EHMT2: variants seen among roughly 807,000 people sequenced by gnomAD.
The protein encoded by EHMT2 is histone-lysine N-methyltransferase EHMT2.
Under a neutral mutation model 143.3 loss-of-function variants are expected in EHMT2, and 59 were observed. That is an observed-to-expected ratio of 0.41 (90% CI 0.33 to 0.51). The LOEUF is 0.51. Among genes scored for constraint, EHMT2 ranks in the 20% least tolerant of loss-of-function variants. The pLI is 0.18. For missense variants in EHMT2, 1,174 were observed against 1,645.9 expected (o/e 0.71, Z 4.96); for synonymous variants, 604 against 651.5 (o/e 0.93, Z 1.11).
In EHMT2 at chr6:31,883,916, G is replaced by C. The variant is rs1764449772; in HGVS notation, c.2806C>G (p.Pro936Ala). Residue 936 changes from proline (P) to alanine (A), a missense_variant, in exon 22 of 28, where the codon CCC becomes GCC. Pro to Ala is a conservative substitution (Grantham distance 27, BLOSUM62 -1). Transcript: ENST00000375537. This position sits in a 1 kb window ranked among gnomAD's most constrained non-coding sequence, Gnocchi z 5.6. ...TCCCCATCCACACCGTTGACACAGGGAATGGGCACGTTCTCATAGCCCCGA... is the reference window on the plus strand; with the variant it reads ...TCCCCATCCACACCGTTGACACAGGCAATGGGCACGTTCTCATAGCCCCGA... 2 of 1,613,844 alleles carry C rather than the reference G, an allele frequency of 1.2e-6. No individual in the cohort carries two copies. Among genetic ancestry groups the C allele is most frequent in the African/African-American group, 1.3e-5 (1 of 74,840 alleles).
At chr6:31,887,090 C>G (rs1764965214) in exon 16 of EHMT2, 1 of 1,604,802 alleles carries the variant, frequency 6.2e-7, no homozygotes, top group Non-Finnish European at 8.5e-7. Flanking sequence ...AAGTTGGGGT[C>G]CAGGTTGTCC....
At position 31,897,007 on chromosome 6, in the gene EHMT2, G is replaced by A. The variant is rs569481596; in HGVS notation, c.43-18C>T. On this transcript the variant is annotated intron_variant, in intron 1 of 27. Transcript: ENST00000375537. ...GCCTCCCCCTGGGAGGGGAGACAAG[G>A]GACAGGAGGGCTGGTCAGCCCAGTA... 56 of 1,552,720 alleles carry A rather than the reference G, an allele frequency of 3.6e-5. No homozygotes were observed. In the African/African-American group the frequency reaches 6.2e-4, roughly 17 times the overall value.
chr6:31,895,220 G>C (rs1212995196), intron 4 of EHMT2, among the ~76,000 whole-genome samples: 1 of 152,176 alleles, frequency 6.6e-6, no homozygotes, highest in African/African-American at 2.4e-5. Context: ...TACCTGACTA[G>C]GGTGCTGCTT....
Position 31,888,759 on chromosome 6 carries a change from GAA to G in EHMT2, c.1217-14_1217-13del. 1 of 1,611,718 alleles carries G rather than the reference GAA, an allele frequency of 6.2e-7. No homozygotes were observed. The highest frequency in any genetic ancestry group is 8.5e-7 in the Non-Finnish European group (1 of 1,179,854). ...GTCATTGGACACCCCTTGGATGGAG[GAA>G]AAGAGGAGCTGAGGGAGGCTCTGCA... On this transcript the variant is annotated splice_polypyrimidine_tract_variant and intron_variant, in intron 10 of 27. Transcript: ENST00000375537. This position sits in a 1 kb window ranked among gnomAD's most constrained non-coding sequence, Gnocchi z 7.4.
At chr6:31,891,119 T>G (rs926368100) in intron 7 of EHMT2, among the ~76,000 whole-genome samples, 1 of 151,990 alleles carries the variant, frequency 6.6e-6, no homozygotes, top group Non-Finnish European at 1.5e-5. Context: ...ATTTTGTATT[T>G]TTTTCAGTAG....
rs764928246 is a variant in EHMT2 at position 31,889,266 on chromosome 6, C to T, written c.1076G>A (p.Arg359Gln). Residue 359 changes from arginine (R) to glutamine (Q), a missense_variant, in exon 9 of 28, where the codon CGG becomes CAG. This residue lies in a region of EHMT2 where 608 missense variants were observed against 903.7 expected (regional missense o/e 0.67). Transcript: ENST00000375537. This position sits in a 1 kb window ranked among gnomAD's most constrained non-coding sequence, Gnocchi z 5.1. ...GGCCCGCGGAGGCTCCCGCTTGCGC[C>T]GTTTCCGAGACGGCTTCACCCATGG... is the stretch of plus-strand genomic sequence containing the variant. 2.1e-5 allele frequency: 34 copies of T among 1,611,810 alleles called. No individual in the cohort carries two copies. The highest frequency in any genetic ancestry group is 3.3e-4 in the Middle Eastern group (2 of 6,082).
Position 31,884,071 on chromosome 6 carries a change from G to A in EHMT2, c.2772-121C>T, listed in dbSNP as rs1362951864. 6.3e-6 allele frequency: 7 copies of A among 1,115,110 alleles called. No homozygotes were observed. The highest frequency in any genetic ancestry group is 4.7e-5 in the South Asian group (3 of 64,102). The allele number at this position is 1,115,110 out of a possible 1,614,324, so 69.1% of individuals were successfully genotyped here. On this transcript the variant is annotated intron_variant, in intron 21 of 27. Transcript: ENST00000375537. This position sits in a 1 kb window ranked among gnomAD's most constrained non-coding sequence, Gnocchi z 7.3. ...GGGGGCAGGGGAGTAAGGTTGCCAG[G>A]TAAGATGCAGGACAGCGAGTTAACA...
At position 31,889,273 on chromosome 6, in the gene EHMT2, G is replaced by A. The variant is rs958463865; in HGVS notation, c.1069C>T (p.Arg357Trp). 1 of 1,612,106 alleles carries A rather than the reference G, an allele frequency of 6.2e-7. No homozygotes were observed. The highest frequency in any genetic ancestry group is 8.5e-7 in the Non-Finnish European group (1 of 1,179,906). ...GGAGGCTCCCGCTTGCGCCGTTTCC[G>A]AGACGGCTTCACCCATGGGCTGTCT... Residue 357 changes from arginine (R) to tryptophan (W), a missense_variant, in exon 9 of 28, where the codon CGG (arginine) becomes TGG (tryptophan). Around this residue, in one of 6 missense-constraint regions of EHMT2, gnomAD observed 608 missense variants for 903.7 expected, o/e 0.67. Transcript: ENST00000375537. This position sits in a 1 kb window ranked among gnomAD's most constrained non-coding sequence, Gnocchi z 5.1.
In EHMT2 at chr6:31,892,924, G is replaced by A; in HGVS notation, c.583-14C>T. 2 of 1,547,188 alleles carry A rather than the reference G, an allele frequency of 1.3e-6. No individual in the cohort carries two copies. Among genetic ancestry groups the A allele is most frequent in the East Asian group, 4.5e-5 (2 of 44,294 alleles). ...AGGGACCGGGGGCTGTGGGCCGAGA[G>A]GGAGCACACTGAGGGTCAGAGAGCA... On this transcript the variant is annotated splice_polypyrimidine_tract_variant and intron_variant, in intron 4 of 27. Coordinates refer to ENST00000375537, the Ensembl canonical transcript of EHMT2.
chr6:31,889,052 G>A lies in EHMT2; in HGVS notation c.1133C>T (p.Ser378Phe). 1.2e-6 allele frequency: 2 copies of A among 1,604,664 alleles called. No homozygotes were observed. The highest frequency in any genetic ancestry group is 8.5e-7 in the Non-Finnish European group (1 of 1,176,766). The change falls in exon 10 of 28, where the codon TCC becomes TTC. Residue 378 changes from serine (S) to phenylalanine (F), a missense_variant. Coordinates refer to ENST00000375537, the Ensembl canonical transcript of EHMT2. The surrounding 1 kb of genome is among the most constrained non-coding windows in gnomAD (Gnocchi z 5.1). ...CTCCATGTACTCACTGGGGCCTGAG[G>A]AGCCCACACCATTCACTCCTGACAC...
At position 31,880,707 on chromosome 6, in the gene EHMT2, T is replaced by A. The variant is rs1351906521; in HGVS notation, c.3418A>T (p.Ser1140Cys). The change falls in exon 27 of 28, where the codon AGT becomes TGT. Residue 1140 changes from serine to cysteine, a missense_variant. Physicochemically the swap from Ser to Cys is moderately radical, Grantham distance 112. Around this residue, in one of 6 missense-constraint regions of EHMT2, gnomAD observed 44 missense variants for 113.5 expected, o/e 0.39. Transcript: ENST00000375537. The surrounding 1 kb of genome is among the most constrained non-coding windows in gnomAD (Gnocchi z 6.6). The stretch of plus-strand genomic sequence containing the variant: ...TCCCCAGTCCGGATGTCTCGGGAAC[T>A]GAAGAAGGCGATGCGTGGAAATCGC... 2 of 1,613,790 alleles carry A rather than the reference T, an allele frequency of 1.2e-6. No homozygotes were observed. Among genetic ancestry groups the A allele is most frequent in the Non-Finnish European group, 1.7e-6 (2 of 1,179,998 alleles).
chr6:31,885,825 G>A (rs1377474918), intron 18 of EHMT2: 1 of 152,178 alleles, frequency 6.6e-6, no homozygotes, highest in East Asian at 1.9e-4. Context: ...TAGGAACATA[G>A]ATTGTATTCT....
In EHMT2 at chr6:31,889,655, G is replaced by C; in HGVS notation, c.865-53C>G. ...CAACCCCCAGGACTCAGACAATGAG[G>C]TGAGTAAAGAAAACCACCACCACCA... On this transcript the variant is annotated intron_variant, in intron 7 of 27. Transcript: ENST00000375537. This position sits in a 1 kb window ranked among gnomAD's most constrained non-coding sequence, Gnocchi z 5.1. 1.2e-6 allele frequency: 2 copies of C among 1,601,118 alleles called. No homozygotes were observed. The highest frequency in any genetic ancestry group is 1.7e-6 in the Non-Finnish European group (2 of 1,179,382).
In EHMT2 at chr6:31,884,409, T is replaced by G. The variant is rs752100361; in HGVS notation, c.2754A>C (p.Thr918=). The G allele has an allele frequency of 2.5e-6, 4 of 1,612,488 alleles. No homozygotes were observed. The highest frequency in any genetic ancestry group is 8.5e-7 in the Non-Finnish European group (1 of 1,179,966). ...GGGCTCACCGGCAGATGATCTTCTCTGTGCGGATGGCCCGATTTCCCACCC... is the reference window on the plus strand; with the variant it reads ...GGGCTCACCGGCAGATGATCTTCTCGGTGCGGATGGCCCGATTTCCCACCC... Residue 918 remains threonine, a synonymous_variant, in exon 21 of 28, where the codon ACA becomes ACC. Coordinates refer to ENST00000375537, the Ensembl canonical transcript of EHMT2. The surrounding 1 kb of genome is among the most constrained non-coding windows in gnomAD (Gnocchi z 7.3).
exon 17 of EHMT2, chr6:31,886,800 T>C (rs1215892659): frequency 1.2e-6 from 2 of 1,614,250 alleles, no homozygotes; most frequent in East Asian, 2.2e-5. Context: ...GCCACCACGC[T>C]GCACCATGTA....
intron 18 of EHMT2, chr6:31,885,727 C>T (rs1395009255): frequency 6.6e-6 from 1 of 152,128 alleles, no homozygotes; most frequent in East Asian, 1.9e-4. Context: ...GACCCTGTCT[C>T]TTAAAAGAAA....
At chr6:31,893,669 A>G in intron 4 of EHMT2, 1 of 266,448 alleles carries the variant, frequency 3.8e-6, no homozygotes, top group Non-Finnish European at 7.5e-6. Flanking sequence ...TATGCTGCCC[A>G]GGTGAAAGGA....
intron 6 of EHMT2, 30 bp downstream of exon 6, chr6:31,892,664 A>AG (rs750202045): frequency 1.8e-5 from 29 of 1,612,894 alleles, no homozygotes; most frequent in Middle Eastern, 1.6e-4. Context: ...GCAGCCCCCG[A>AG]GGGGTAGAGG....
rs1409588974 is a variant in EHMT2, at chr6:31,896,687, CA to C, written c.246del (p.Val83Ter). ...TCCCCAATGAGTGGTGTAGCCCCTA[CA>C]GGGGTGTCAGCCCCCTCATCACCAA... On this transcript the variant is annotated frameshift_variant, in exon 3 of 28. Coordinates refer to ENST00000375537, the Ensembl canonical transcript of EHMT2. LOFTEE classifies it high-confidence loss of function. 1 of 1,610,816 alleles carries C rather than the reference CA, an allele frequency of 6.2e-7. No individual in the cohort carries two copies. Among genetic ancestry groups the C allele is most frequent in the Non-Finnish European group, 8.5e-7 (1 of 1,178,954 alleles).
Sources: gnomAD v4.1 joint callset for allele counts (sites outside exome capture counted in the v4.1 genomes callset) on GRCh38, gnomAD v4.1.1 for gene constraint, gnomAD v4.1.1 regional missense constraint, Gnocchi (gnomAD v3.1) non-coding constraint, MANE v1.5 for transcripts, NCBI Gene and HGNC (gene_info 2026-07-23, HGNC 2026-07-21) for gene names.